IFT122: variants seen among roughly 807,000 people sequenced by gnomAD.
IFT122 encodes intraflagellar transport protein 122 homolog.
A neutral mutation model predicts 161.6 loss-of-function variants in IFT122; 118 were observed. The observed-to-expected ratio is 0.73, with a 90% CI of 0.63 to 0.85. IFT122 has a LOEUF of 0.85. Ranked by LOEUF, IFT122 falls within the 40% of genes least tolerant of loss-of-function variation. The pLI, the probability that IFT122 is intolerant of heterozygous loss-of-function variation, is 0.00. For synonymous variants in IFT122, 550 were observed against 602.4 expected, an observed-to-expected ratio of 0.91 and a Z score of 1.27; for missense variants, 1,381 against 1,579.6, an observed-to-expected ratio of 0.87 and a Z score of 2.13.
At chr3:129,498,318 A>G (rs2081131574) in intron 18 of IFT122, among the ~76,000 whole-genome samples, 1 of 152,192 alleles carries the variant, frequency 6.6e-6, no homozygotes, top group South Asian at 2.1e-4. Context: ...CTAGTCTCCT[A>G]AGATGCCTGT....
At chr3:129,516,567 A>G (rs1245323665) in intron 26 of IFT122, among the ~76,000 whole-genome samples, 1 of 104,896 alleles carries the variant, frequency 9.5e-6, no homozygotes, top group Non-Finnish European at 1.9e-5. Flanking sequence ...GCTCCTGCAC[A>G]CACACACACA....
chr3:129,471,406 A>G (rs2077357873), intron 9 of IFT122, among the ~76,000 whole-genome samples: 1 of 152,206 alleles, frequency 6.6e-6, no homozygotes, highest in African/African-American at 2.4e-5. Context: ...TCATCTGCTT[A>G]ATGTGTGTAC....
At chr3:129,505,804 A>G (rs1395784712) in intron 21 of IFT122, among the ~76,000 whole-genome samples, 4 of 152,252 alleles carry the variant, frequency 2.6e-5, no homozygotes, top group Non-Finnish European at 5.9e-5. Context: ...TAACTGAGGC[A>G]GATCCTTCAA....
chr3:129,463,264 G>T, intron 5 of IFT122: 1 of 361,688 alleles, frequency 2.8e-6, no homozygotes, highest in Non-Finnish European at 5.3e-6. Context: ...GCGTGACACA[G>T]AACTAAGCCA....
At chr3:129,491,063 T>C (rs1270653219) in intron 16 of IFT122, among the ~76,000 whole-genome samples, 1 of 152,134 alleles carries the variant, frequency 6.6e-6, no homozygotes, top group African/African-American at 2.4e-5. Context: ...ACCTCTGAAT[T>C]GTGGAGGGGG....
At chr3:129,516,056 A>G (rs2083468541) in intron 26 of IFT122, among the ~76,000 whole-genome samples, 1 of 150,788 alleles carries the variant, frequency 6.6e-6, no homozygotes, top group African/African-American at 2.5e-5. Context: ...CCCTGCACAC[A>G]CACACACAGA....
At chr3:129,461,577 T>A in intron 5 of IFT122, 1 of 479,456 alleles carries the variant, frequency 2.1e-6, no homozygotes, top group Non-Finnish European at 3.8e-6. Context: ...AGGCATAACT[T>A]GGTGTTGCTG....
At chr3:129,514,228 C>G (rs2083186372) in intron 24 of IFT122, 161 bp from the exon 25 acceptor site, 1 of 777,228 alleles carries the variant, frequency 1.3e-6, no homozygotes, top group African/African-American at 1.7e-5. Flanking sequence ...GAGAAGTACA[C>G]TCACCTCTCA....
chr3:129,514,910 C>T, intron 25 of IFT122: 1 of 423,402 alleles, frequency 2.4e-6, no homozygotes, highest in South Asian at 2.2e-5. Context: ...AAACCTCTGC[C>T]CTTTCTGGAA....
At chr3:129,514,771 G>T (rs983640289) in intron 25 of IFT122, 1 of 648,120 alleles carries the variant, frequency 1.5e-6, no homozygotes, top group African/African-American at 1.8e-5. Context: ...CACAGCCCCC[G>T]GCCCCGGCCT....
chr3:129,504,555 G>A (rs1369792134), intron 21 of IFT122, 134 bp downstream of exon 21: 2 of 763,780 alleles, frequency 2.6e-6, no homozygotes, highest in East Asian at 2.5e-5. Context: ...GGATGTGATT[G>A]TTTGGTGGTG....
chr3:129,460,775 T>G, intron 4 of IFT122: 1 of 1,117,980 alleles, frequency 8.9e-7, no homozygotes, highest in Non-Finnish European at 1.4e-6. Flanking sequence ...AGTGAAGGAC[T>G]AAAACGGGTT....
chr3:129,510,574 G>A (rs1435061704), intron 23 of IFT122, among the ~76,000 whole-genome samples: 1 of 152,060 alleles, frequency 6.6e-6, no homozygotes, highest in Non-Finnish European at 1.5e-5. Flanking sequence ...GCCTCACTTT[G>A]CCCAAGCCAC....
rs753054926 is a variant in IFT122 at position 129,495,614 on chromosome 3, T to C, written c.2208+7T>C. 9.3e-6 allele frequency: 15 copies of C among 1,613,952 alleles called. No individual in the cohort carries two copies. The African/African-American group carries it at 1.7e-4, about 19-fold the overall frequency. The stretch of plus-strand genomic sequence containing the variant: ...CATGTTTGAGTATGCCAAGGTAACC[T>C]ACCCTGTCCCAGGCCCAAGCTCCAG... On this transcript the variant is annotated splice_region_variant and intron_variant, in intron 18 of 29. Transcript: ENST00000348417.
Position 129,488,267 on chromosome 3 carries a change from T to A in IFT122, c.1862T>A (p.Met621Lys). 1 of 1,614,180 alleles carries A rather than the reference T, an allele frequency of 6.2e-7. No individual in the cohort carries two copies. The highest frequency in any genetic ancestry group is 8.5e-7 in the Non-Finnish European group (1 of 1,180,024). Residue 621 changes from methionine to lysine, a missense_variant, in exon 16 of 30, where the codon ATG becomes AAG. Met to Lys is a moderately conservative substitution (Grantham distance 95, BLOSUM62 -1). Around this residue, in one of 7 missense-constraint regions of IFT122, gnomAD observed 544 missense variants for 648.0 expected, o/e 0.84. Transcript: ENST00000348417. ...SAVEVPQSAP[M>K]YQYLDRKLFK... is the part of the protein sequence containing the mutation. The stretch of plus-strand genomic sequence containing the variant: ...GATGAAATCCTGCAGTCCGCTCCCA[T>A]GTACCAGTACCTGGATAGGAAACTG...
At chr3:129,484,895 A>G (rs1210623534) in intron 15 of IFT122, among the ~76,000 whole-genome samples, 1 of 152,210 alleles carries the variant, frequency 6.6e-6, no homozygotes, top group Non-Finnish European at 1.5e-5. Flanking sequence ...ATAGCTCTAG[A>G]GTGATCTTCC....
At position 129,519,180 on chromosome 3, in the gene IFT122, C is replaced by G; in HGVS notation, c.3465C>G (p.Ser1155Arg). Reference sequence around the variant, plus strand: ...AGGACCCGTTCACAGCTAAGCTGAGCTTTGAGGTGAGGGTGCCTCTCTGGG... The same window carrying G: ...AGGACCCGTTCACAGCTAAGCTGAGGTTTGAGGTGAGGGTGCCTCTCTGGG... ...GDEDPFTAKL[S>R]FEQGGSEFVP... Residue 1155 changes from serine (S) to arginine (R), a missense_variant, in exon 28 of 30, where the codon AGC becomes AGG. This residue lies in a region of IFT122 where 177 missense variants were observed against 199.2 expected (regional missense o/e 0.89). Transcript: ENST00000348417. The G allele has an allele frequency of 6.2e-7, 1 of 1,613,954 alleles. No homozygotes were observed.
At chr3:129,456,496 G>T (rs191789951) in intron 3 of IFT122, among the ~76,000 whole-genome samples, 1 of 148,716 alleles carries the variant, frequency 6.7e-6, no homozygotes. Context: ...AATTAGCTGG[G>T]CATGGTGGTG....
chr3:129,498,719 G>A (rs1380285563), intron 18 of IFT122, among the ~76,000 whole-genome samples: 2 of 152,210 alleles, frequency 1.3e-5, no homozygotes, highest in Non-Finnish European at 2.9e-5. Flanking sequence ...TGACACATGA[G>A]TGTTAATCAT....
Sources: allele counts gnomAD v4.1 joint callset (sites outside exome capture counted in the v4.1 genomes callset), GRCh38; gene constraint gnomAD v4.1.1; regional missense constraint gnomAD v4.1.1; transcripts MANE v1.5; gene names NCBI Gene and HGNC (gene_info 2026-07-23, HGNC 2026-07-21).